Variants in CSMD3 observed in about 807,000 individuals in gnomAD.
CSMD3 encodes CUB and Sushi multiple domains 3.
A neutral mutation model predicts 435.2 loss-of-function variants in CSMD3; 177 were observed. The ratio of observed to expected loss-of-function variants is 0.41; its 90% CI spans 0.36 to 0.46. The LOEUF (loss-of-function observed/expected upper bound fraction) is 0.46. CSMD3 is among the 20% of genes least tolerant of loss of function. The pLI is 0.34. For synonymous variants in CSMD3, 1,656 were observed against 1,520.5 expected (o/e 1.09, Z -2.07); for missense variants, 4,265 against 4,504.6 (o/e 0.95, Z 1.52).
chr8:112,359,086 C>A (rs1826921403), intron 38 of CSMD3, among the ~76,000 whole-genome samples: 1 of 152,072 alleles, frequency 6.6e-6, no homozygotes, highest in Admixed American at 6.6e-5. Context: ...TTTTCATCTT[C>A]ATTAAAAGCC....
At chr8:112,734,266 G>A (rs759712298) in intron 13 of CSMD3, among the ~76,000 whole-genome samples, 9 of 151,470 alleles carry the variant, frequency 5.9e-5, no homozygotes, top group Non-Finnish European at 1.0e-4. Context: ...AAGAAGAAAG[G>A]GAGAGAGGAA....
At chr8:112,524,899 G>T (rs986793344) in intron 27 of CSMD3, among the ~76,000 whole-genome samples, 1 of 151,740 alleles carries the variant, frequency 6.6e-6, no homozygotes, top group Non-Finnish European at 1.5e-5. Flanking sequence ...TCTTTAATTG[G>T]TTTCTTAGCC....
chr8:112,799,605 G>A (rs2078913794), intron 13 of CSMD3, among the ~76,000 whole-genome samples: 1 of 151,904 alleles, frequency 6.6e-6, no homozygotes, highest in Admixed American at 6.6e-5. Context: ...TCACATGCTT[G>A]CATCTATTTC....
At chr8:112,670,991 A>G (rs1423392426) in intron 16 of CSMD3, among the ~76,000 whole-genome samples, 1 of 152,206 alleles carries the variant, frequency 6.6e-6, no homozygotes, top group Non-Finnish European at 1.5e-5. Flanking sequence ...AATAGCCAGT[A>G]TATCACTACA....
At chr8:112,896,147 C>A (rs544746653) in intron 10 of CSMD3, among the ~76,000 whole-genome samples, 23 of 151,448 alleles carry the variant, frequency 1.5e-4, no homozygotes, top group Non-Finnish European at 2.7e-4. Context: ...GGCTCCAGAG[C>A]TTTTACTTGG....
At chr8:113,308,983 C>G (rs2093845959) in intron 2 of CSMD3, among the ~76,000 whole-genome samples, 2 of 152,122 alleles carry the variant, frequency 1.3e-5, no homozygotes, top group African/African-American at 2.4e-5. Context: ...GGGTCTGGCT[C>G]TGTCACCCTG....
At chr8:112,784,293 G>C (rs898429789) in intron 13 of CSMD3, among the ~76,000 whole-genome samples, 1 of 151,720 alleles carries the variant, frequency 6.6e-6, no homozygotes, top group African/African-American at 2.4e-5. Context: ...AGTACTAAAA[G>C]GAAAGTTTAT....
At chr8:113,345,454 G>A (rs2132872292) in intron 1 of CSMD3, among the ~76,000 whole-genome samples, 1 of 152,186 alleles carries the variant, frequency 6.6e-6, no homozygotes, top group South Asian at 2.1e-4. Context: ...AACACTATGT[G>A]TGATGTATAG....
At chr8:112,263,499 C>A in intron 61 of CSMD3, 140 bp downstream of exon 61, 1 of 693,660 alleles carries the variant, frequency 1.4e-6, no homozygotes, top group Non-Finnish European at 2.5e-6. Flanking sequence ...GACTTAATTA[C>A]ATGAAAAGTA....
At chr8:112,873,917 C>T (rs2130087560) in intron 10 of CSMD3, among the ~76,000 whole-genome samples, 1 of 152,054 alleles carries the variant, frequency 6.6e-6, no homozygotes, top group Admixed American at 6.6e-5. Context: ...TCCTTCAGTT[C>T]TGCTGTGATC....
chr8:113,072,557 A>G (rs773424831), intron 5 of CSMD3, among the ~76,000 whole-genome samples: 1 of 151,876 alleles, frequency 6.6e-6, no homozygotes, highest in Non-Finnish European at 1.5e-5. Context: ...TACAGCATCA[A>G]TTATAATTTC....
intron 3 of CSMD3, among the ~76,000 whole-genome samples, chr8:113,264,616 T>C (rs1268943579): frequency 6.6e-6 from 1 of 151,520 alleles, no homozygotes; most frequent in Admixed American, 6.6e-5. Flanking sequence ...TTCTGTATTT[T>C]TGAAATGCTT....
At chr8:112,519,783 T>C (rs995391225) in intron 27 of CSMD3, among the ~76,000 whole-genome samples, 3 of 152,096 alleles carry the variant, frequency 2.0e-5, no homozygotes, top group Non-Finnish European at 4.4e-5. Flanking sequence ...CCCAACATCA[T>C]ACAATTACTT....
At chr8:113,146,158 T>C (rs1033757564) in intron 4 of CSMD3, among the ~76,000 whole-genome samples, 5 of 151,256 alleles carry the variant, frequency 3.3e-5, no homozygotes, top group Admixed American at 6.6e-5. Context: ...TATATTAGAG[T>C]ATAGAAAATG....
intron 5 of CSMD3, among the ~76,000 whole-genome samples, chr8:113,025,239 G>A (rs1304174135): frequency 6.6e-6 from 1 of 151,970 alleles, no homozygotes; most frequent in African/African-American, 2.4e-5. Flanking sequence ...TCACCTTTCC[G>A]ATTTTATGTG....
chr8:112,684,217 G>T (rs1218476385), intron 15 of CSMD3, among the ~76,000 whole-genome samples: 1 of 151,914 alleles, frequency 6.6e-6, no homozygotes, highest in Non-Finnish European at 1.5e-5. Context: ...ACATGTACAT[G>T]AAGTATTTTT....
At chr8:112,678,358 C>G (rs570022537) in intron 16 of CSMD3, among the ~76,000 whole-genome samples, 27 of 152,194 alleles carry the variant, frequency 1.8e-4, no homozygotes, top group East Asian at 1.7e-3. Flanking sequence ...AAGTTAAAAG[C>G]AAGACATCCA....
chr8:112,681,039 CTT>C (rs397686222), intron 16 of CSMD3, among the ~76,000 whole-genome samples: 13 of 139,416 alleles, frequency 9.3e-5, no homozygotes, highest in Non-Finnish European at 1.1e-4. Context: ...TTTCCTTTTT[CTT>C]TTTTTTTTTT....
At chr8:112,471,641 G>A (rs1482302444) in intron 32 of CSMD3, among the ~76,000 whole-genome samples, 2 of 152,084 alleles carry the variant, frequency 1.3e-5, no homozygotes, top group Admixed American at 6.6e-5. Context: ...GTAGTATCTG[G>A]TTATAAGAAA....
Sources: allele counts gnomAD v4.1 joint callset (sites outside exome capture counted in the v4.1 genomes callset), GRCh38; gene constraint gnomAD v4.1.1; transcripts MANE v1.5; gene names NCBI Gene and HGNC (gene_info 2026-07-23, HGNC 2026-07-21).